FRMD3: variants seen among roughly 807,000 people sequenced by gnomAD.
The protein encoded by FRMD3 is FERM domain containing 3.
In FRMD3, 33 loss-of-function variants were observed where a neutral mutation model predicts 70.2. The ratio of observed to expected loss-of-function variants is 0.47; its 90% CI spans 0.36 to 0.63. The LOEUF (loss-of-function observed/expected upper bound fraction) is 0.63. Ranked by LOEUF, FRMD3 falls within the 20% of genes least tolerant of loss-of-function variation. FRMD3 has a pLI of 0.00. For synonymous variants in FRMD3, 279 were observed against 255.9 expected (o/e 1.09, Z -0.86); for missense variants, 632 against 711.4 (o/e 0.89, Z 1.27).
intron 13 of FRMD3, among the ~76,000 whole-genome samples, chr9:83,276,978 G>A (rs1205152564): frequency 3.3e-5 from 5 of 152,274 alleles, no homozygotes; most frequent in Admixed American, 6.5e-5. Flanking sequence ...GATTACAGGC[G>A]TGAGCCACCG....
intron 6 of FRMD3, among the ~76,000 whole-genome samples, chr9:83,328,689 G>C (rs1158154877): frequency 1.3e-5 from 2 of 152,194 alleles, no homozygotes; most frequent in Non-Finnish European, 2.9e-5. Flanking sequence ...CCCCAGCTTG[G>C]GGATGAAATG....
At chr9:83,435,978 CA>C (rs1827122717) in intron 1 of FRMD3, among the ~76,000 whole-genome samples, 1 of 152,132 alleles carries the variant, frequency 6.6e-6, no homozygotes, top group African/African-American at 2.4e-5. Context: ...GTTAAATCCC[CA>C]CAAACTAATT....
intron 5 of FRMD3, among the ~76,000 whole-genome samples, chr9:83,341,542 C>G (rs1823758229): frequency 6.6e-6 from 1 of 151,868 alleles, no homozygotes; most frequent in African/African-American, 2.4e-5. Context: ...GACAGTGCAC[C>G]CTAACTCAAG....
chr9:83,384,742 T>C (rs1465630895), intron 2 of FRMD3, among the ~76,000 whole-genome samples: 3 of 152,216 alleles, frequency 2.0e-5, no homozygotes, highest in Admixed American at 6.5e-5. Flanking sequence ...TTGAGGAGTG[T>C]ACCCCAAAAG....
chr9:83,278,654 A>G (rs1174270752), intron 13 of FRMD3, among the ~76,000 whole-genome samples: 1 of 152,180 alleles, frequency 6.6e-6, no homozygotes, highest in Non-Finnish European at 1.5e-5. Flanking sequence ...GGGACATAAG[A>G]CATGAAGGAT....
At chr9:83,431,820 C>G (rs557178265) in intron 1 of FRMD3, among the ~76,000 whole-genome samples, 2 of 152,270 alleles carry the variant, frequency 1.3e-5, no homozygotes, top group South Asian at 2.1e-4. Flanking sequence ...GGCCTGAGTT[C>G]TAGGTGGAAG....
intron 1 of FRMD3, among the ~76,000 whole-genome samples, chr9:83,517,821 C>T (rs560373666): frequency 2.7e-4 from 41 of 152,242 alleles, no homozygotes; most frequent in Non-Finnish European, 4.1e-4. Flanking sequence ...TGGGATGCAA[C>T]GCTGATTCAA....
At chr9:83,304,102 G>T (rs889740513) in intron 10 of FRMD3, among the ~76,000 whole-genome samples, 1 of 152,124 alleles carries the variant, frequency 6.6e-6, no homozygotes, top group African/African-American at 2.4e-5. Context: ...ATATACCATT[G>T]TATGGATATA....
rs547286999 is a variant in FRMD3 at position 83,254,096 on chromosome 9, C to T, written c.1196-5580G>A. Among the ~76,000 whole-genome samples, 522 of 149,072 alleles carry T rather than the reference C, an allele frequency of 3.5e-3. 4 individuals are homozygous for T. Among genetic ancestry groups the T allele is most frequent in the Non-Finnish European group, 4.4e-3 (298 of 67,538 alleles). On this transcript the variant is annotated intron_variant, in intron 13 of 13. Coordinates refer to ENST00000304195, the MANE Select transcript of FRMD3 (RefSeq NM_174938.6). ...CACTTGAACACAGGAAGGGGAACAT[C>T]ACACACTGGGGCCTGTCATGGGGTA...
chr9:83,306,125 C>T (rs568767170), intron 10 of FRMD3, among the ~76,000 whole-genome samples: 4 of 152,242 alleles, frequency 2.6e-5, no homozygotes, highest in East Asian at 1.9e-4. Context: ...AAACAACGTG[C>T]GTGAAATAGC....
At chr9:83,395,275 T>TA (rs11322008) in intron 1 of FRMD3, among the ~76,000 whole-genome samples, 109 of 142,364 alleles carry the variant, frequency 7.7e-4, no homozygotes, top group African/African-American at 1.7e-3. Flanking sequence ...TCTATAGATT[T>TA]AAAAAAAAAA....
At chr9:83,300,513 C>T (rs1251997726) in intron 10 of FRMD3, among the ~76,000 whole-genome samples, 1 of 152,138 alleles carries the variant, frequency 6.6e-6, no homozygotes, top group East Asian at 1.9e-4. Context: ...CAAAGGCATA[C>T]AGAGTGATAT....
intron 13 of FRMD3, among the ~76,000 whole-genome samples, chr9:83,264,100 T>A (rs942087387): frequency 6.6e-6 from 1 of 151,954 alleles, no homozygotes; most frequent in Non-Finnish European, 1.5e-5. Flanking sequence ...TTCTGGAAAA[T>A]AAATCAGTGA....
At chr9:83,357,373 T>TGCTATAAACA (rs1207948623) in intron 3 of FRMD3, among the ~76,000 whole-genome samples, 1 of 148,540 alleles carries the variant, frequency 6.7e-6, no homozygotes, top group Non-Finnish European at 1.5e-5. Context: ...CAAATTGTGC[T>TGCTATAAACA]GCTATAAACA....
At chr9:83,416,191 T>TA (rs1225709397) in intron 1 of FRMD3, among the ~76,000 whole-genome samples, 1 of 152,226 alleles carries the variant, frequency 6.6e-6, no homozygotes, top group Non-Finnish European at 1.5e-5. Flanking sequence ...CACTCACCCT[T>TA]ACTCAGTTCT....
Position 83,338,569 on chromosome 9 carries a change from G to A in FRMD3, c.473-2930C>T, listed in dbSNP as rs141128835. Among the ~76,000 whole-genome samples, 625 of 152,222 alleles carry A rather than the reference G, an allele frequency of 4.1e-3. 4 individuals are homozygous for A. Among genetic ancestry groups the A allele is most frequent in the African/African-American group, 0.014 (594 of 41,532 alleles). ...TTAAAATCAACAAAATAAGATGTAC[G>A]TATGCAATATGGACAGATCCCAAAA... On this transcript the variant is annotated intron_variant, in intron 5 of 13. Transcript: ENST00000304195.
chr9:83,436,458 A>ATGTG (rs148417744), intron 1 of FRMD3, among the ~76,000 whole-genome samples: 1,891 of 144,624 alleles, frequency 0.013, 26 homozygotes, highest in African/African-American at 0.034. Context: ...AATTAATAAG[A>ATGTG]TGTGTGTGTG....
chr9:83,446,466 T>G (rs185973508), intron 1 of FRMD3, among the ~76,000 whole-genome samples: 180 of 151,820 alleles, frequency 1.2e-3, no homozygotes, highest in Non-Finnish European at 2.1e-3. Context: ...GCTAACACGG[T>G]GAAACCCCGT....
intron 1 of FRMD3, among the ~76,000 whole-genome samples, chr9:83,424,360 A>C (rs1488144446): frequency 6.6e-6 from 1 of 152,210 alleles, no homozygotes; most frequent in Non-Finnish European, 1.5e-5. Context: ...GTTTTCAAAA[A>C]TTTCAGGGTT....
Sources: allele counts gnomAD v4.1 joint callset (sites outside exome capture counted in the v4.1 genomes callset), GRCh38; gene constraint gnomAD v4.1.1; transcripts MANE v1.5; gene names NCBI Gene and HGNC (gene_info 2026-07-23, HGNC 2026-07-21).